AUTS2: variants seen among roughly 807,000 people sequenced by gnomAD.
AUTS2 encodes the protein activator of transcription and developmental regulator AUTS2.
AUTS2 carries 17 observed loss-of-function variants against 112.4 expected under a neutral mutation model. That is an observed-to-expected ratio of 0.15 (90% CI 0.10 to 0.23). The LOEUF (loss-of-function observed/expected upper bound fraction) is 0.23. Ranked by LOEUF, AUTS2 falls within the 10% of genes least tolerant of loss-of-function variation. The pLI is 1.00. For synonymous variants in AUTS2, 751 were observed against 702.7 expected, an observed-to-expected ratio of 1.07 and a Z score of -1.09; for missense variants, 1,510 against 1,701.6, an observed-to-expected ratio of 0.89 and a Z score of 1.98.
chr7:70,721,182 A>G (rs1371391196), intron 6 of AUTS2, among the ~76,000 whole-genome samples: 2 of 151,836 alleles, frequency 1.3e-5, no homozygotes, highest in South Asian at 2.1e-4. Flanking sequence ...TGGGCCCAGG[A>G]CCTGCAAGGC....
intron 2 of AUTS2, among the ~76,000 whole-genome samples, chr7:69,949,800 C>T (rs1796956777): frequency 6.6e-6 from 1 of 152,178 alleles, no homozygotes; most frequent in South Asian, 2.1e-4. Context: ...CTCTGGACTT[C>T]TTTAGAAGCA....
At chr7:70,010,976 A>G (rs540892567) in intron 2 of AUTS2, among the ~76,000 whole-genome samples, 2 of 152,310 alleles carry the variant, frequency 1.3e-5, no homozygotes, top group East Asian at 1.9e-4. Context: ...TTACTTGAGT[A>G]ATTTTTGACA....
chr7:69,882,412 T>C (rs531134413), intron 1 of AUTS2, among the ~76,000 whole-genome samples: 2 of 152,174 alleles, frequency 1.3e-5, no homozygotes, highest in South Asian at 2.1e-4. Context: ...TAGAGAAGTA[T>C]GTTAACCTGC....
chr7:69,686,391 A>G (rs1797067794), intron 1 of AUTS2, among the ~76,000 whole-genome samples: 1 of 152,186 alleles, frequency 6.6e-6, no homozygotes. Context: ...ATATGAACCA[A>G]AAAATATATT....
chr7:70,694,718 G>A lies in AUTS2; in HGVS notation c.691-3851G>A. ...GCAGGAGCGGCGGGGAGACAGTGGC[G>A]AGCGCGGGCCGGGCGATCTCGGCGG... On this transcript the variant is annotated intron_variant, in intron 5 of 18. Transcript: ENST00000342771. The surrounding 1 kb of genome is among the most constrained non-coding windows in gnomAD (Gnocchi z 4.1). 1 of 148,016 alleles carries A rather than the reference G, an allele frequency of 6.8e-6. No individual in the cohort carries two copies. The highest frequency in any genetic ancestry group is 3.5e-3 in the Middle Eastern group (1 of 286). The allele number at this position is 148,016 out of a possible 1,614,324, so 9.2% of individuals were successfully genotyped here.
intron 2 of AUTS2, among the ~76,000 whole-genome samples, chr7:70,065,942 A>G (rs1802470377): frequency 1.3e-5 from 2 of 152,156 alleles, no homozygotes; most frequent in Non-Finnish European, 2.9e-5. Flanking sequence ...TCCCGGCTTC[A>G]TGCGATTCCC....
At chr7:69,677,162 C>T (rs1286793298) in intron 1 of AUTS2, among the ~76,000 whole-genome samples, 1 of 152,118 alleles carries the variant, frequency 6.6e-6, no homozygotes, top group East Asian at 1.9e-4. Flanking sequence ...GTGTACCATT[C>T]TTTATAAATA....
chr7:69,782,601 G>A (rs1277850579), intron 1 of AUTS2, among the ~76,000 whole-genome samples: 1 of 151,922 alleles, frequency 6.6e-6, no homozygotes, highest in African/African-American at 2.4e-5. Context: ...AAAGTCCCTG[G>A]TTGGTATGCA....
intron 5 of AUTS2, among the ~76,000 whole-genome samples, chr7:70,614,446 C>T (rs890814555): frequency 1.3e-5 from 2 of 152,144 alleles, no homozygotes; most frequent in Non-Finnish European, 2.9e-5. Flanking sequence ...ATTTATTGGA[C>T]TCTAGGGATG....
intron 1 of AUTS2, among the ~76,000 whole-genome samples, chr7:69,894,247 A>C (rs1794643004): frequency 7.9e-6 from 1 of 127,336 alleles, no homozygotes; most frequent in Admixed American, 8.2e-5. Context: ...TGAATGCCTT[A>C]AAGCGTTTTT....
chr7:69,657,594 A>T (rs1795602424), intron 1 of AUTS2, among the ~76,000 whole-genome samples: 1 of 152,158 alleles, frequency 6.6e-6, no homozygotes, highest in South Asian at 2.1e-4. Context: ...TTCAGAACAC[A>T]CCCAGGTGCG....
intron 5 of AUTS2, among the ~76,000 whole-genome samples, chr7:70,564,627 T>C (rs530332556): frequency 2.6e-4 from 39 of 152,222 alleles, no homozygotes; most frequent in Non-Finnish European, 2.1e-4. Flanking sequence ...CAAGAAATCA[T>C]TTGAAAATCA....
At chr7:70,595,562 C>T (rs1803154970) in intron 5 of AUTS2, among the ~76,000 whole-genome samples, 1 of 152,050 alleles carries the variant, frequency 6.6e-6, no homozygotes, top group Non-Finnish European at 1.5e-5. Flanking sequence ...AAGGCAGCCC[C>T]AAGGGCAGGG....
intron 2 of AUTS2, among the ~76,000 whole-genome samples, chr7:70,045,537 C>G (rs1339046142): frequency 6.6e-6 from 1 of 151,402 alleles, no homozygotes; most frequent in East Asian, 1.9e-4. Context: ...AATGTGACTC[C>G]TAGAAAAACC....
At chr7:69,755,319 C>G (rs1435614561) in intron 1 of AUTS2, among the ~76,000 whole-genome samples, 1 of 152,158 alleles carries the variant, frequency 6.6e-6, no homozygotes, top group Non-Finnish European at 1.5e-5. Context: ...CTTGGGGTTA[C>G]TTTATAATCA....
intron 2 of AUTS2, among the ~76,000 whole-genome samples, chr7:69,990,284 G>T (rs888275671): frequency 2.6e-5 from 4 of 152,026 alleles, no homozygotes; most frequent in African/African-American, 4.8e-5. Flanking sequence ...AGTATTTTGC[G>T]GTCAATTTGT....
intron 4 of AUTS2, among the ~76,000 whole-genome samples, chr7:70,389,095 A>G (rs1019118264): frequency 2.0e-5 from 3 of 152,078 alleles, no homozygotes; most frequent in Non-Finnish European, 4.4e-5. Context: ...TGCAATTTTG[A>G]CTTTCTTTTT....
At chr7:70,637,380 A>G (rs1222554608) in intron 5 of AUTS2, among the ~76,000 whole-genome samples, 2 of 152,240 alleles carry the variant, frequency 1.3e-5, no homozygotes, top group African/African-American at 2.4e-5. Context: ...CCACCCTTCC[A>G]TCTCAGAACA....
chr7:69,773,000 T>A (rs1308181203), intron 1 of AUTS2, among the ~76,000 whole-genome samples: 1 of 152,198 alleles, frequency 6.6e-6, no homozygotes, highest in African/African-American at 2.4e-5. Flanking sequence ...AGCTTTGCAT[T>A]GTATAAAAGA....
Sources: gnomAD v4.1 joint callset for allele counts (sites outside exome capture counted in the v4.1 genomes callset) on GRCh38, gnomAD v4.1.1 for gene constraint, Gnocchi (gnomAD v3.1) non-coding constraint, MANE v1.5 for transcripts, NCBI Gene and HGNC (gene_info 2026-07-23, HGNC 2026-07-21) for gene names.